The following NSUN6 variants were observed in gnomAD, a reference collection of about 807,000 sequenced individuals.
The protein encoded by NSUN6 is NOP2/Sun RNA methyltransferase 6.
A neutral mutation model predicts 58.0 loss-of-function variants in NSUN6; 64 were observed. The ratio of observed to expected loss-of-function variants is 1.10; its 90% confidence interval spans 0.90 to 1.36. The LOEUF is 1.36. Ranked by LOEUF, NSUN6 falls within the 40% of genes most tolerant of loss-of-function variation. NSUN6 has a pLI of 0.00. For synonymous variants in NSUN6, 231 were observed against 193.9 expected, an observed-to-expected ratio of 1.19 and a Z score of -1.59; for missense variants, 701 against 550.1, an observed-to-expected ratio of 1.27 and a Z score of -2.74.
rs184292376 is a variant in NSUN6, at chr10:18,554,301, G to A, written c.923-2330C>T. 6.0e-5 allele frequency among the ~76,000 whole-genome samples: 9 copies of A among 151,092 alleles called. No individual in the cohort carries two copies. The South Asian group carries it at 1.7e-3, about 28-fold the overall frequency. On this transcript the variant is annotated intron_variant, in intron 8 of 10. Coordinates refer to ENST00000377304, the MANE Select transcript of NSUN6 (RefSeq NM_182543.5). ...GAAGAATGGAATGGAATGGAGAACA[G>A]AATGCAATGGAGAGTGGAATGCAAT...
upstream of NSUN6, among the ~76,000 whole-genome samples, chr10:18,657,076 C>A (rs1422636887): frequency 6.6e-6 from 1 of 152,102 alleles, no homozygotes; most frequent in Non-Finnish European, 1.5e-5. Flanking sequence ...AATCCACCTG[C>A]CTTGGCCTCC....
Position 18,596,877 on chromosome 10 carries a change from T to C in NSUN6, c.658-550A>G, listed in dbSNP as rs150365274. Among the ~76,000 whole-genome samples the C allele has an allele frequency of 1.8e-3, 270 of 152,272 alleles. 2 individuals carry two copies. In the Middle Eastern group the frequency reaches 0.078, roughly 44 times the overall value. ...TAAACTCCACTTGGGAACACATAAA[T>C]ATTAAATAATTGGTTTCTTCCAGTT... On this transcript the variant is annotated intron_variant, in intron 6 of 10. Coordinates refer to ENST00000377304, the MANE Select transcript of NSUN6 (RefSeq NM_182543.5).
chr10:18,648,442 G>C, intron 2 of NSUN6, 48 bp downstream of exon 2: 2 of 1,257,802 alleles, frequency 1.6e-6, no homozygotes, highest in African/African-American at 1.5e-5. Context: ...AAACATGGTA[G>C]ATTGCAAAAA....
chr10:18,589,741 A>T (rs778371612), intron 7 of NSUN6, among the ~76,000 whole-genome samples: 10 of 152,212 alleles, frequency 6.6e-5, no homozygotes, highest in Non-Finnish European at 1.2e-4. Flanking sequence ...CCACCCTTAC[A>T]AGAGCTCCTA....
chr10:18,604,880 T>C (rs984534575), intron 6 of NSUN6, among the ~76,000 whole-genome samples: 3 of 149,910 alleles, frequency 2.0e-5, no homozygotes, highest in Non-Finnish European at 3.0e-5. Context: ...AGCAAGACTC[T>C]TTCTTTTTTT....
intron 3 of NSUN6, among the ~76,000 whole-genome samples, chr10:18,617,531 T>C (rs2058457123): frequency 6.6e-6 from 1 of 152,174 alleles, no homozygotes; most frequent in East Asian, 1.9e-4. Context: ...GACAGCTATA[T>C]AGAGACGTCT....
upstream of NSUN6, among the ~76,000 whole-genome samples, chr10:18,658,860 A>C (rs145924408): frequency 8.5e-5 from 13 of 152,336 alleles, 1 homozygote; most frequent in East Asian, 2.5e-3. Context: ...ATCAATGAGT[A>C]CATAAATGCA....
At chr10:18,628,102 C>T (rs567972453) in intron 3 of NSUN6, among the ~76,000 whole-genome samples, 1 of 152,186 alleles carries the variant, frequency 6.6e-6, no homozygotes, top group Non-Finnish European at 1.5e-5. Flanking sequence ...TGACCCCTGA[C>T]CCCTGAGCAG....
At chr10:18,626,111 C>CA (rs2058792871) in intron 3 of NSUN6, among the ~76,000 whole-genome samples, 1 of 151,644 alleles carries the variant, frequency 6.6e-6, no homozygotes, top group Admixed American at 6.6e-5. Flanking sequence ...CTGTACTCAC[C>CA]AATAAAGACA....
intron 8 of NSUN6, among the ~76,000 whole-genome samples, chr10:18,566,693 T>C (rs568971032): frequency 6.6e-6 from 1 of 151,546 alleles, no homozygotes; most frequent in East Asian, 1.9e-4. Context: ...TTCTGTTCCA[T>C]TCCACACCAT....
intron 3 of NSUN6, among the ~76,000 whole-genome samples, chr10:18,632,994 T>G (rs1021347370): frequency 2.0e-5 from 3 of 151,914 alleles, no homozygotes; most frequent in African/African-American, 4.8e-5. Context: ...TAGCAAAGAC[T>G]TGGAACCAAC....
chr10:18,631,169 C>T (rs1180646001), intron 3 of NSUN6, among the ~76,000 whole-genome samples: 11 of 152,020 alleles, frequency 7.2e-5, no homozygotes, highest in African/African-American at 1.5e-4. Context: ...ATTATCTCAA[C>T]AGATGCAGAA....
chr10:18,651,874 A>G (rs1029096001), upstream of NSUN6: 17 of 985,234 alleles, frequency 1.7e-5, no homozygotes, highest in African/African-American at 1.0e-4. Context: ...AAACAGCCAA[A>G]TGGCGTGGGT....
chr10:18,617,829 T>A (rs2058466915), intron 3 of NSUN6, among the ~76,000 whole-genome samples: 1 of 152,180 alleles, frequency 6.6e-6, no homozygotes. Context: ...GAATTAATGC[T>A]ATAATAAAAA....
chr10:18,601,699 A>C (rs1454126117), intron 6 of NSUN6, among the ~76,000 whole-genome samples: 1 of 152,090 alleles, frequency 6.6e-6, no homozygotes, highest in Non-Finnish European at 1.5e-5. Context: ...AAAAGGAAAT[A>C]AGGCTGGGTC....
upstream of NSUN6, among the ~76,000 whole-genome samples, chr10:18,655,986 T>C (rs774777154): frequency 1.3e-5 from 2 of 152,216 alleles, no homozygotes; most frequent in Non-Finnish European, 2.9e-5. Context: ...CAGGATATTA[T>C]GGCTTCTCTT....
At chr10:18,550,007 G>A (rs570152707) in intron 9 of NSUN6, among the ~76,000 whole-genome samples, 1 of 152,324 alleles carries the variant, frequency 6.6e-6, no homozygotes, top group African/African-American at 2.4e-5. Context: ...TTAGGTGGAA[G>A]AGCCATGGCT....
chr10:18,550,664 T>C (rs1422226084), intron 9 of NSUN6, among the ~76,000 whole-genome samples: 2 of 152,108 alleles, frequency 1.3e-5, no homozygotes, highest in Non-Finnish European at 2.9e-5. Flanking sequence ...TGTCTCTTCC[T>C]GTTTTTATCA....
intron 9 of NSUN6, among the ~76,000 whole-genome samples, chr10:18,549,916 C>T (rs151299381): frequency 3.3e-4 from 50 of 152,288 alleles, no homozygotes; most frequent in Middle Eastern, 3.4e-3. Context: ...AGTAAGATGA[C>T]TATCACCAAT....
Sources: allele counts gnomAD v4.1 joint callset (sites outside exome capture counted in the v4.1 genomes callset), GRCh38; gene constraint gnomAD v4.1.1; transcripts MANE v1.5; gene names NCBI Gene and HGNC (gene_info 2026-07-23, HGNC 2026-07-21).